The following NCOR2 variants were observed in gnomAD, a reference collection of about 807,000 sequenced individuals.
NCOR2 encodes CTG repeat protein 26.
In NCOR2, 81 loss-of-function variants were observed where a neutral mutation model predicts 262.9. That is an observed-to-expected ratio of 0.31 (90% CI 0.26 to 0.37). NCOR2 has a LOEUF of 0.37. Among genes scored for constraint, NCOR2 ranks in the 10% least tolerant of loss-of-function variants. NCOR2 has a pLI of 1.00. For synonymous variants in NCOR2, 1,659 were observed against 1,559.3 expected (o/e 1.06, Z -1.51); for missense variants, 3,385 against 3,621.4 (o/e 0.93, Z 1.68).
At chr12:124,518,955 G>A (rs2050006143) in intron 1 of NCOR2, among the ~76,000 whole-genome samples, 1 of 152,176 alleles carries the variant, frequency 6.6e-6, no homozygotes, top group Non-Finnish European at 1.5e-5. Flanking sequence ...ATGGCCAGAG[G>A]AGCAGGCTCT....
chr12:124,332,375 T>C, exon 43 of NCOR2: 1 of 1,614,228 alleles, frequency 6.2e-7, no homozygotes, highest in East Asian at 2.2e-5. Flanking sequence ...CTCTTGCTTC[T>C]TGGACTTGAC....
chr12:124,451,646 G>GGTGGC (rs1390247888), intron 6 of NCOR2, among the ~76,000 whole-genome samples: 1 of 152,134 alleles, frequency 6.6e-6, no homozygotes, highest in Non-Finnish European at 1.5e-5. Flanking sequence ...AGCCTCCCAG[G>GGTGGC]GTGGCCATGG....
chr12:124,339,703 CCAA>C (rs1359224049), intron 37 of NCOR2, among the ~76,000 whole-genome samples: 3 of 91,548 alleles, frequency 3.3e-5, no homozygotes, highest in Non-Finnish European at 5.7e-5. Flanking sequence ...ATCCACCCAT[CCAA>C]CCAGCTAACC....
At position 124,549,294 on chromosome 12, in the gene NCOR2, C is replaced by T. The variant is rs1010419338; in HGVS notation, c.-164-13683G>A. ...GCTGGCGGTGGGAGGGGCAGGGCCG[C>T]GGCTGGAGGATAAAATCCCACACTC... On this transcript the variant is annotated intron_variant, in intron 1 of 32. Coordinates refer to the NCOR2 transcript ENST00000458234. This position sits in a 1 kb window ranked among gnomAD's most constrained non-coding sequence, Gnocchi z 4.4. 6.6e-6 allele frequency among the ~76,000 whole-genome samples: 1 copy of T among 151,514 alleles called. No homozygotes were observed. The highest frequency in any genetic ancestry group is 1.9e-4 in the East Asian group (1 of 5,184).
At chr12:124,453,914 G>A (rs916270237) in intron 6 of NCOR2, among the ~76,000 whole-genome samples, 4 of 152,222 alleles carry the variant, frequency 2.6e-5, no homozygotes, top group African/African-American at 4.8e-5. Context: ...CTCCAGGAAG[G>A]CCACAGGGAT....
At position 124,503,484 on chromosome 12, in the gene NCOR2, TGATGGATTGATGGATG is replaced by T. The variant is rs2048855606; in HGVS notation, c.-117-8132_-117-8117del. 9.5e-6 allele frequency among the ~76,000 whole-genome samples: 1 copy of T among 104,866 alleles called. No individual in the cohort carries two copies. The highest frequency in any genetic ancestry group is 1.8e-5 in the Non-Finnish European group (1 of 54,410). The allele number at this position is 104,866 out of a possible 152,430, so 68.8% of individuals were successfully genotyped here. A position where few individuals can be genotyped will look rare whatever the true frequency, so the allele number is the denominator to read the frequency against. ...ATGGACTGATGGATGGATGGATGGA[TGATGGATTGATGGATG>T]GATGGATGGATGGACAGAGGATGGA... is the stretch of plus-strand genomic sequence containing the variant. On this transcript the variant is annotated intron_variant, in intron 1 of 46. Coordinates refer to the NCOR2 transcript ENST00000404621. The surrounding 1 kb of genome is among the most constrained non-coding windows in gnomAD (Gnocchi z 4.3).
chr12:124,344,618 G>A (rs1170943920), exon 32 of NCOR2: 2 of 1,459,208 alleles, frequency 1.4e-6, no homozygotes, highest in Non-Finnish European at 9.1e-7. Flanking sequence ...CGCGGCGTGG[G>A]CTCCCGCGTG....
chr12:124,410,258 G>A (rs189904390), intron 13 of NCOR2, among the ~76,000 whole-genome samples: 2 of 148,852 alleles, frequency 1.3e-5, no homozygotes, highest in East Asian at 2.0e-4. Flanking sequence ...CCTCTCTGAT[G>A]CGATCGCCCC....
At chr12:124,346,918 G>A in intron 30 of NCOR2, 68 bp from the exon 33 acceptor site, 1 of 1,414,514 alleles carries the variant, frequency 7.1e-7, no homozygotes, top group Non-Finnish European at 9.2e-7. Context: ...CTCCACACCA[G>A]TGGGTTCTGG....
At chr12:124,398,620 C>T (rs539537953) in intron 15 of NCOR2, among the ~76,000 whole-genome samples, 3 of 152,318 alleles carry the variant, frequency 2.0e-5, no homozygotes, top group Admixed American at 6.5e-5. Flanking sequence ...CTCATCTGAC[C>T]GAGGACCCTC....
chr12:124,368,063 T>C (rs11057602), intron 20 of NCOR2, among the ~76,000 whole-genome samples: 70,218 of 152,230 alleles, frequency 0.46, 19,467 homozygotes, highest in Non-Finnish European at 0.61. Context: ...TACCCAGCCC[T>C]GCAGTTGCGA....
Position 124,413,875 on chromosome 12 carries a change from G to A in NCOR2, c.1482+6082C>T, listed in dbSNP as rs182103166. 3.9e-5 allele frequency among the ~76,000 whole-genome samples: 6 copies of A among 152,236 alleles called. No homozygotes were observed. The East Asian group carries it at 1.2e-3, about 29-fold the overall frequency. ...CAGCTGCTGTCCCCAGGAGCTGAGG[G>A]ACACATGGCAGGGGAAGAGACACAG... On this transcript the variant is annotated intron_variant, in intron 13 of 46. Coordinates refer to ENST00000405201, the Ensembl canonical transcript of NCOR2.
chr12:124,554,267 A>G (rs929225488), intron 1 of NCOR2, among the ~76,000 whole-genome samples: 1 of 152,162 alleles, frequency 6.6e-6, no homozygotes, highest in African/African-American at 2.4e-5. Context: ...TGTGCAAAAA[A>G]TCACACAGCA....
chr12:124,515,494 A>C lies in NCOR2; in HGVS notation c.-118+20071T>G, dbSNP rs528416523. Among the ~76,000 whole-genome samples, 55 of 152,322 alleles carry C rather than the reference A, an allele frequency of 3.6e-4. 1 individual carries two copies. In the South Asian group the frequency reaches 0.011, roughly 30 times the overall value. ...AACGACAATTCATCATCCATATCAT[A>C]ACTAGGAAGGCAGCATGGATATAGC... On this transcript the variant is annotated intron_variant, in intron 1 of 46. Coordinates refer to the NCOR2 transcript ENST00000404621.
chr12:124,329,419 C>T (rs1297080513), intron 44 of NCOR2, among the ~76,000 whole-genome samples: 1 of 152,088 alleles, frequency 6.6e-6, no homozygotes, highest in Non-Finnish European at 1.5e-5. Flanking sequence ...CAAGATTGCA[C>T]CACTGCACTC....
At chr12:124,395,263 C>T (rs1363044876) in intron 16 of NCOR2, among the ~76,000 whole-genome samples, 1 of 152,124 alleles carries the variant, frequency 6.6e-6, no homozygotes, top group Non-Finnish European at 1.5e-5. Context: ...CCAGAACGTT[C>T]CTAGCTTCTC....
In NCOR2 at chr12:124,400,790, C is replaced by T. The variant is rs537034293; in HGVS notation, c.1641-117G>A. 1.7e-5 allele frequency: 22 copies of T among 1,323,376 alleles called. No individual in the cohort carries two copies. The Admixed American group carries it at 2.3e-4, about 14-fold the overall frequency. 82.0% of individuals were successfully genotyped at this position (1,323,376 alleles called of 1,614,324 possible). A position where few individuals can be genotyped will look rare whatever the true frequency, so the allele number is the denominator to read the frequency against. On this transcript the variant is annotated intron_variant, in intron 14 of 46. Transcript: ENST00000405201. The stretch of plus-strand genomic sequence containing the variant: ...ACTGGCTGCCAGCCATGGCACTAAT[C>T]GGACGCTAGGAAAGAGGGGGAGAGG...
chr12:124,519,511 C>G (rs567869666), intron 1 of NCOR2, among the ~76,000 whole-genome samples: 22 of 152,148 alleles, frequency 1.4e-4, no homozygotes, highest in Non-Finnish European at 2.9e-4. Flanking sequence ...CTGGACCACG[C>G]GGGTGTGTTG....
At chr12:124,342,388 GAGA>G (rs1411741240) in intron 33 of NCOR2, among the ~76,000 whole-genome samples, 1 of 151,994 alleles carries the variant, frequency 6.6e-6, no homozygotes, top group East Asian at 1.9e-4. Flanking sequence ...TTTATTTTTA[GAGA>G]AGGAGTCTCG....
Sources: allele counts gnomAD v4.1 joint callset (sites outside exome capture counted in the v4.1 genomes callset), GRCh38; gene constraint gnomAD v4.1.1; non-coding constraint Gnocchi (gnomAD v3.1); transcripts MANE v1.5; gene names NCBI Gene and HGNC (gene_info 2026-07-23, HGNC 2026-07-21).